Variants in MSI2 observed in about 807,000 individuals in gnomAD.
MSI2 encodes the protein RNA-binding protein Musashi homolog 2.
A neutral mutation model predicts 45.6 loss-of-function variants in MSI2; 17 were observed. That is an observed-to-expected ratio of 0.37 (90% confidence interval 0.26 to 0.56). The LOEUF (loss-of-function observed/expected upper bound fraction) is 0.56, where lower values mean the gene tolerates loss of function less well. MSI2 is among the 20% of genes least tolerant of loss of function. MSI2 has a pLI of 0.77. For synonymous variants in MSI2, 156 were observed against 158.2 expected (o/e 0.99, Z 0.11); for missense variants, 293 against 444.2 (o/e 0.66, Z 3.06).
intron 11 of MSI2, among the ~76,000 whole-genome samples, chr17:57,664,273 C>G (rs1306746927): frequency 6.6e-6 from 1 of 152,210 alleles, no homozygotes; most frequent in Non-Finnish European, 1.5e-5. Context: ...AATCCCAGCA[C>G]TTTGGGAGGC....
At chr17:57,378,952 G>GT (rs1330070787) in intron 5 of MSI2, among the ~76,000 whole-genome samples, 2 of 152,148 alleles carry the variant, frequency 1.3e-5, no homozygotes, top group Admixed American at 1.3e-4. Context: ...AAGTGGCTGA[G>GT]TTTGTGTTAT....
intron 5 of MSI2, among the ~76,000 whole-genome samples, chr17:57,348,922 A>G (rs1915816692): frequency 6.6e-6 from 1 of 151,926 alleles, no homozygotes; most frequent in Non-Finnish European, 1.5e-5. Flanking sequence ...TATTATTTAC[A>G]CTCGTGCCTG....
chr17:57,547,250 G>A (rs781644754), intron 7 of MSI2, among the ~76,000 whole-genome samples: 17 of 152,190 alleles, frequency 1.1e-4, no homozygotes, highest in Non-Finnish European at 2.1e-4. Flanking sequence ...AGCGCTGGAT[G>A]GTAAATGACT....
chr17:57,412,957 G>T (rs2084224070), intron 6 of MSI2, among the ~76,000 whole-genome samples: 1 of 152,208 alleles, frequency 6.6e-6, no homozygotes, highest in Admixed American at 6.5e-5. Flanking sequence ...AACCCATAGG[G>T]TTGTCATGAG....
intron 9 of MSI2, among the ~76,000 whole-genome samples, chr17:57,619,138 C>A (rs1305491233): frequency 1.3e-5 from 2 of 152,220 alleles, no homozygotes; most frequent in Admixed American, 1.3e-4. Context: ...AGTGCTCAGC[C>A]TCCCAGACTC....
At chr17:57,450,393 A>G (rs2084993315) in intron 6 of MSI2, 2 of 152,122 alleles carry the variant, frequency 1.3e-5, no homozygotes, top group African/African-American at 4.8e-5. Context: ...CCTCATAGAA[A>G]AGGCAAAAGT....
Position 57,405,819 on chromosome 17 carries a change from C to T in MSI2, c.405+4348C>T, listed in dbSNP as rs537479663. ...GTGCGCTGTTTCTGAATTGGAGTTA[C>T]TGGTGCTAAGCTTTCTAATGCATTT... On this transcript the variant is annotated intron_variant, in intron 6 of 13. Transcript: ENST00000284073. Among the ~76,000 whole-genome samples the T allele has an allele frequency of 2.7e-3, 414 of 152,296 alleles. 1 individual carries two copies. Among genetic ancestry groups the T allele is most frequent in the Non-Finnish European group, 4.9e-3 (331 of 68,022 alleles).
chr17:57,403,532 C>T (rs2084029817), intron 6 of MSI2, among the ~76,000 whole-genome samples: 2 of 152,164 alleles, frequency 1.3e-5, no homozygotes, highest in Non-Finnish European at 2.9e-5. Flanking sequence ...TGGACTCTGG[C>T]AGGATGTGCA....
intron 6 of MSI2, among the ~76,000 whole-genome samples, chr17:57,457,180 A>G (rs2085132194): frequency 6.6e-6 from 1 of 152,240 alleles, no homozygotes; most frequent in Non-Finnish European, 1.5e-5. Flanking sequence ...CTATCACTTC[A>G]CAGCTGGGAA....
intron 5 of MSI2, among the ~76,000 whole-genome samples, chr17:57,360,526 C>T (rs577694189): frequency 6.6e-5 from 10 of 152,344 alleles, no homozygotes; most frequent in East Asian, 1.9e-4. Flanking sequence ...TCTCCTGGCC[C>T]GTGAGGGCCA....
chr17:57,379,826 T>C (rs920930628), intron 5 of MSI2, among the ~76,000 whole-genome samples: 1 of 152,230 alleles, frequency 6.6e-6, no homozygotes, highest in Non-Finnish European at 1.5e-5. Flanking sequence ...GCAGTGCTCT[T>C]CCAGGGGTTT....
chr17:57,282,590 A>T lies in MSI2; in HGVS notation c.312+20398A>T, dbSNP rs952957757. ...ATTTTTTTATGGCAGCCTCTCCCCC[A>T]TTTCCCTGCTTCCTCTCCCTGTTCT... On this transcript the variant is annotated intron_variant, in intron 5 of 13. Coordinates refer to ENST00000284073, the MANE Select transcript of MSI2 (RefSeq NM_138962.4). 2.0e-5 allele frequency among the ~76,000 whole-genome samples: 3 copies of T among 151,862 alleles called. No homozygotes were observed. In the East Asian group the frequency reaches 5.8e-4, roughly 29 times the overall value.
intron 8 of MSI2, among the ~76,000 whole-genome samples, chr17:57,613,210 CAG>C (rs1012171833): frequency 5.3e-5 from 8 of 152,286 alleles, no homozygotes; most frequent in Non-Finnish European, 1.0e-4. Flanking sequence ...AATTTAAAAA[CAG>C]AGTGATTCTA....
At chr17:57,700,918 T>A in the MSI2 span, among the ~76,000 whole-genome samples, 37 of 147,700 alleles carry the variant, frequency 2.5e-4, 1 homozygote, top group African/African-American at 8.9e-4. Flanking sequence ...AAAAAAAAAA[T>A]TTAATAATGT....
intron 5 of MSI2, among the ~76,000 whole-genome samples, chr17:57,384,504 C>T (rs1026925354): frequency 1.3e-5 from 2 of 152,156 alleles, no homozygotes; most frequent in Non-Finnish European, 2.9e-5. Context: ...AGCTGCAGCA[C>T]CTTTTTATGA....
chr17:57,610,962 T>C lies in MSI2; in HGVS notation c.538-5008T>C, dbSNP rs759440926. ...CATCCCTGGTATTGGGAGTGTTTTGTGGCATTGCCAGCTGTGCACCTTGAA... is the reference window on the plus strand; with the variant it reads ...CATCCCTGGTATTGGGAGTGTTTTGCGGCATTGCCAGCTGTGCACCTTGAA... On this transcript the variant is annotated intron_variant, in intron 8 of 13. Transcript: ENST00000284073. Among the ~76,000 whole-genome samples, 4 of 95,156 alleles carry C rather than the reference T, an allele frequency of 4.2e-5. 2 individuals carry two copies. Among genetic ancestry groups the C allele is most frequent in the Non-Finnish European group, 1.0e-4 (4 of 39,732 alleles). 62.4% of individuals were successfully genotyped at this position (95,156 alleles called of 152,430 possible). A position where few individuals can be genotyped will look rare whatever the true frequency, so the allele number is the denominator to read the frequency against.
At position 57,632,786 on chromosome 17, in the gene MSI2, A is replaced by T; in HGVS notation, c.727+5483A>T. Reference sequence around the variant, plus strand: ...CTGTGCTGGTAGTTTGTGAGAAGTGACCCGCACGCTTCCATTTGATGCATT... The same window carrying T: ...CTGTGCTGGTAGTTTGTGAGAAGTGTCCCGCACGCTTCCATTTGATGCATT... On this transcript the variant is annotated intron_variant, in intron 10 of 13. Transcript: ENST00000284073. 3.8e-6 allele frequency: 4 copies of T among 1,065,810 alleles called. No homozygotes were observed. In the South Asian group the frequency reaches 1.8e-4, roughly 48 times the overall value. 66.0% of individuals were successfully genotyped at this position (1,065,810 alleles called of 1,614,324 possible).
At chr17:57,379,526 C>T (rs2083562391) in intron 5 of MSI2, among the ~76,000 whole-genome samples, 1 of 151,356 alleles carries the variant, frequency 6.6e-6, no homozygotes, top group Admixed American at 6.6e-5. Flanking sequence ...AGAGAAAAGC[C>T]AGGCCTGATA....
intron 6 of MSI2, among the ~76,000 whole-genome samples, chr17:57,456,495 C>T (rs2085117258): frequency 6.6e-6 from 1 of 151,942 alleles, no homozygotes; most frequent in South Asian, 2.1e-4. Context: ...ACTCAGGAGG[C>T]GGAGGCAGAG....
Sources: allele counts gnomAD v4.1 joint callset (sites outside exome capture counted in the v4.1 genomes callset), GRCh38; gene constraint gnomAD v4.1.1; transcripts MANE v1.5; gene names NCBI Gene and HGNC (gene_info 2026-07-23, HGNC 2026-07-21).